Variants in RTL1 observed in about 807,000 individuals in gnomAD.
RTL1 encodes retrotransposon Gag like 1.
For missense variants in RTL1, 1,681 were observed against 1,767.5 expected, an observed-to-expected ratio of 0.95 and a Z score of 0.88; for synonymous variants, 727 against 748.4, an observed-to-expected ratio of 0.97 and a Z score of 0.47.
At position 100,890,074 on chromosome 14, in the gene RTL1, G is replaced by GGAAAAAAAAAAAA. The variant is rs554899525; in HGVS notation, c.-87+3369_-87+3370insTTTTTTTTTTTTC. 2.1e-3 allele frequency among the ~76,000 whole-genome samples: 255 copies of GGAAAAAAAAAAAA among 123,730 alleles called. 2 individuals carry two copies. The highest frequency in any genetic ancestry group is 4.8e-3 in the Middle Eastern group (1 of 208). The allele number at this position is 123,730 out of a possible 152,430, so 81.2% of individuals were successfully genotyped here. A position where few individuals can be genotyped will look rare whatever the true frequency, so the allele number is the denominator to read the frequency against. On this transcript the variant is annotated intron_variant, in intron 3 of 3. Coordinates refer to ENST00000649591, the MANE Select transcript of RTL1 (RefSeq NM_001134888.3). ...TGATTTGAAAATTCCCGCCTTATTT[G>GGAAAAAAAAAAAA]AAAAAAAAAAAAAAAAAAAGAAGCC...
rs1328006141 is a variant in RTL1, at chr14:100,880,539, A to G, written c.*173T>C. The stretch of plus-strand genomic sequence containing the variant: ...TGGGTAGTCCGTTAGCACAGGTGGC[A>G]TTGCTGGTTGATGAGTTGAAGAAGT... On this transcript the variant is annotated 3_prime_UTR_variant, in exon 4 of 4. Transcript: ENST00000649591. The G allele has an allele frequency of 1.5e-6, 2 of 1,310,546 alleles. No homozygotes were observed. Among genetic ancestry groups the G allele is most frequent in the Admixed American group, 5.3e-5 (2 of 37,600 alleles). 81.2% of individuals were successfully genotyped at this position (1,310,546 alleles called of 1,614,324 possible). A position where few individuals can be genotyped will look rare whatever the true frequency, so the allele number is the denominator to read the frequency against.
At chr14:100,889,673 A>G (rs3809404) in intron 3 of RTL1, 56,762 of 152,096 alleles carry the variant, frequency 0.37, 11,203 homozygotes, top group Middle Eastern at 0.49. Context: ...CCCCAATGGA[A>G]GGAAATGGAG....
chr14:100,890,754 A>T (rs921300325), intron 3 of RTL1, among the ~76,000 whole-genome samples: 20 of 152,180 alleles, frequency 1.3e-4, no homozygotes, highest in African/African-American at 4.8e-4. Context: ...TTTGAGGGAC[A>T]TAGCTACTGG....
Position 100,883,296 on chromosome 14 carries a change from G to A in RTL1, c.1493C>T (p.Pro498Leu), listed in dbSNP as rs1353241734. ...ESIEFDIVPS[P>L]NFSVVLGIRW... Reference sequence around the variant, plus strand: ...GATGCCTAGGACCACAGAGAAGTTCGGTGAAGGTACGATGTCAAATTCGAT... The same window carrying A: ...GATGCCTAGGACCACAGAGAAGTTCAGTGAAGGTACGATGTCAAATTCGAT... The change falls in exon 4 of 4, where the codon CCG becomes CTG. Residue 498 changes from proline to leucine, a missense_variant. Pro to Leu is a moderately conservative substitution (Grantham distance 98, BLOSUM62 -3). Transcript: ENST00000649591. The surrounding 1 kb of genome is among the most constrained non-coding windows in gnomAD (Gnocchi z 5.9). 4 of 1,551,212 alleles carry A rather than the reference G, an allele frequency of 2.6e-6. No individual in the cohort carries two copies. The highest frequency in any genetic ancestry group is 3.5e-6 in the Non-Finnish European group (4 of 1,146,804).
Position 100,882,927 on chromosome 14 carries a change from G to A in RTL1, c.1862C>T (p.Ala621Val), listed in dbSNP as rs1566753549. The A allele has an allele frequency of 6.2e-7, 1 of 1,610,772 alleles. No homozygotes were observed. Among genetic ancestry groups the A allele is most frequent in the Non-Finnish European group, 8.5e-7 (1 of 1,178,406 alleles). Residue 621 changes from alanine (A) to valine (V), a missense_variant, in exon 4 of 4, where the codon GCC becomes GTC. Coordinates refer to ENST00000649591, the MANE Select transcript of RTL1 (RefSeq NM_001134888.3). Reference sequence around the variant, plus strand: ...TAGCCTGGCTCTTTCTTGCATCCTGGCACCCACAGGTTCCCAAGGCGCGGT... The same window carrying A: ...TAGCCTGGCTCTTTCTTGCATCCTGACACCCACAGGTTCCCAAGGCGCGGT... Reference protein sequence around the residue: ...PSTAPWEPVGARMQERARLQE... With the variant: ...PSTAPWEPVGVRMQERARLQE...
chr14:100,883,635 G>A lies in RTL1; in HGVS notation c.1154C>T (p.Pro385Leu), dbSNP rs1340630391. The A allele has an allele frequency of 1.9e-6, 3 of 1,551,528 alleles. No homozygotes were observed. Among genetic ancestry groups the A allele is most frequent in the Non-Finnish European group, 2.6e-6 (3 of 1,146,984 alleles). ...RPRNLTWIDS[P>L]APERWMVSSW... ...GCTGACCATCCACCTCTCTGGAGCA[G>A]GTGAGTCGATCCAGGTCAGGTTCCG... is the stretch of plus-strand genomic sequence containing the variant. The change falls in exon 4 of 4, where the codon CCT becomes CTT. Residue 385 changes from proline (P) to leucine (L), a missense_variant. Physicochemically the swap from Pro to Leu is moderately conservative, Grantham distance 98. Coordinates refer to ENST00000649591, the MANE Select transcript of RTL1 (RefSeq NM_001134888.3). The surrounding 1 kb of genome is among the most constrained non-coding windows in gnomAD (Gnocchi z 5.9).
rs2038593759 is a variant in RTL1 at position 100,880,659 on chromosome 14, GGT to G, written c.*51_*52del. ...GCGGGGAGGCCAGGGGACGTCGGGA[GGT>G]GTTGGGGTGAGAAATAGAGGGGACT... On this transcript the variant is annotated 3_prime_UTR_variant, in exon 4 of 4. Transcript: ENST00000649591. 1 of 1,546,808 alleles carries G rather than the reference GGT, an allele frequency of 6.5e-7. No homozygotes were observed. The highest frequency in any genetic ancestry group is 1.4e-5 in the African/African-American group (1 of 72,912).
At chr14:100,896,414 G>A (rs1403299820) in intron 2 of RTL1, among the ~76,000 whole-genome samples, 1 of 152,100 alleles carries the variant, frequency 6.6e-6, no homozygotes, top group Non-Finnish European at 1.5e-5. Flanking sequence ...GGTGCCACCC[G>A]ACTGGGTGTA....
intron 3 of RTL1, among the ~76,000 whole-genome samples, chr14:100,890,797 C>G (rs940205763): frequency 1.9e-4 from 29 of 152,266 alleles, no homozygotes; most frequent in African/African-American, 6.7e-4. Context: ...AAAATGAATA[C>G]CCCCAGCAGC....
chr14:100,881,813 A>G lies in RTL1; in HGVS notation c.2976T>C (p.Ala992=), dbSNP rs1225367854. The part of the protein sequence containing the change: ...MELPEQDGGR[A]LPPVRNLRWR... ...ACCGGAGGTTTCTCACAGGTGGCAG[A>G]GCTCGGCCGCCGTCTTGTTCTGGCA... Residue 992 remains alanine (A), a synonymous_variant, in exon 4 of 4, where the codon GCT becomes GCC. Coordinates refer to ENST00000649591, the MANE Select transcript of RTL1 (RefSeq NM_001134888.3). This position sits in a 1 kb window ranked among gnomAD's most constrained non-coding sequence, Gnocchi z 6.6. 2 of 1,613,810 alleles carry G rather than the reference A, an allele frequency of 1.2e-6. No individual in the cohort carries two copies. The highest frequency in any genetic ancestry group is 1.7e-6 in the Non-Finnish European group (2 of 1,180,034).
Position 100,884,200 on chromosome 14 carries a change from C to A in RTL1, c.589G>T (p.Ala197Ser). 1 of 1,551,772 alleles carries A rather than the reference C, an allele frequency of 6.4e-7. No individual in the cohort carries two copies. Among genetic ancestry groups the A allele is most frequent in the Non-Finnish European group, 8.7e-7 (1 of 1,146,994 alleles). The change falls in exon 4 of 4, where the codon GCA becomes TCA. Residue 197 changes from alanine to serine, a missense_variant. Ala to Ser is a moderately conservative substitution (Grantham distance 99). Transcript: ENST00000649591. ...AEEILIKGIN[A>S]GQLPAPKHFS... is the part of the protein sequence containing the mutation. ...TGCTTTGGGGCGGGCAGTTGGCCTG[C>A]ATTGATCCCTTTGATCAAGATCTCT...
At position 100,881,349 on chromosome 14, in the gene RTL1, G is replaced by T. The variant is rs191409079; in HGVS notation, c.3440C>A (p.Thr1147Asn). 2 of 1,550,514 alleles carry T rather than the reference G, an allele frequency of 1.3e-6. No individual in the cohort carries two copies. Among genetic ancestry groups the T allele is most frequent in the Non-Finnish European group, 1.7e-6 (2 of 1,147,004 alleles). The part of the protein sequence containing the change: ...SITTAITQLL[T>N]QMPALVGANT... ...TGCACCTACGAGAGCGGGCATCTGG[G>T]TGAGCAGCTGGGTGATGGCTGTCGT... The change falls in exon 4 of 4, where the codon ACC becomes AAC. Residue 1147 changes from threonine to asparagine, a missense_variant. Thr to Asn is a moderately conservative substitution (Grantham distance 65). Transcript: ENST00000649591. This position sits in a 1 kb window ranked among gnomAD's most constrained non-coding sequence, Gnocchi z 6.6.
At chr14:100,891,114 G>A (rs999303467) in intron 3 of RTL1, among the ~76,000 whole-genome samples, 5 of 152,082 alleles carry the variant, frequency 3.3e-5, no homozygotes, top group African/African-American at 1.2e-4. Context: ...GGGTCCTGGG[G>A]ATCCCAGTGG....
At chr14:100,892,060 C>T (rs1320710486) in intron 3 of RTL1, among the ~76,000 whole-genome samples, 1 of 152,178 alleles carries the variant, frequency 6.6e-6, no homozygotes, top group African/African-American at 2.4e-5. Flanking sequence ...ACAGAGGTTG[C>T]CAGATCTGAG....
intron 2 of RTL1, chr14:100,897,601 G>A (rs1275201609): frequency 6.5e-6 from 1 of 153,040 alleles, no homozygotes; most frequent in Non-Finnish European, 1.5e-5. Context: ...AGCAGCTTGT[G>A]TTTCTTCCTT....
chr14:100,880,718 G>A lies in RTL1; in HGVS notation c.4071C>T (p.Leu1357=), dbSNP rs774641767. 2.9e-5 allele frequency: 45 copies of A among 1,550,730 alleles called. No homozygotes were observed. Among genetic ancestry groups the A allele is most frequent in the Middle Eastern group, 1.7e-4 (1 of 6,010 alleles). ...ELPDEDEDAN[L]D is the part of the protein sequence containing the mutation. ...TGGAGACAGGGAGGCGTCTTCAGTC[G>A]AGGTTAGCATCTTCGTCCTCATCAG... The change falls in exon 4 of 4, where the codon CTC becomes CTT. Residue 1357 remains leucine (L), a synonymous_variant. Transcript: ENST00000649591.
Position 100,881,017 on chromosome 14 carries a change from CCTGCGAGGTGT to C in RTL1, c.3761_3771del (p.Asp1254GlyfsTer37). 6.3e-7 allele frequency: 1 copy of C among 1,589,270 alleles called. No individual in the cohort carries two copies. Among genetic ancestry groups the C allele is most frequent in the Non-Finnish European group, 8.6e-7 (1 of 1,168,008 alleles). ...TCCTGCACGTCGTTGTCCTGCTTGT[CCTGCGAGGTGT>C]CTTGCAGGCCGTCATGCAGGCCACA... On this transcript the variant is annotated frameshift_variant, in exon 4 of 4. Transcript: ENST00000649591. LOFTEE classifies it low-confidence loss of function (END_TRUNC). This position sits in a 1 kb window ranked among gnomAD's most constrained non-coding sequence, Gnocchi z 6.6.
At position 100,893,228 on chromosome 14, in the gene RTL1, G is replaced by C. The variant is rs1011653370; in HGVS notation, c.-87+216C>G. Reference sequence around the variant, plus strand: ...CTTATTTGGTGTTCGAGGAGGGACAGGACAGCTGGCCCAGGACCTGCTAAT... The same window carrying C: ...CTTATTTGGTGTTCGAGGAGGGACACGACAGCTGGCCCAGGACCTGCTAAT... On this transcript the variant is annotated intron_variant, in intron 3 of 3. Transcript: ENST00000649591. This position sits in a 1 kb window ranked among gnomAD's most constrained non-coding sequence, Gnocchi z 4.2. Among the ~76,000 whole-genome samples the C allele has an allele frequency of 6.6e-6, 1 of 152,204 alleles. No individual in the cohort carries two copies. Among genetic ancestry groups the C allele is most frequent in the East Asian group, 1.9e-4 (1 of 5,188 alleles).
Position 100,883,474 on chromosome 14 carries a change from C to T in RTL1, c.1315G>A (p.Asp439Asn), listed in dbSNP as rs1270651431. Residue 439 changes from aspartate (D) to asparagine (N), a missense_variant, in exon 4 of 4, where the codon GAT becomes AAT. Transcript: ENST00000649591. This position sits in a 1 kb window ranked among gnomAD's most constrained non-coding sequence, Gnocchi z 5.9. ...VDSGADGNFMDEKFAQEHYVE... is the reference protein window; with the variant it reads ...VDSGADGNFMNEKFAQEHYVE... ...TAGTGCTCTTGGGCGAACTTCTCAT[C>T]CATGAAGTTGCCGTCAGCTCCCGAA... 1.9e-6 allele frequency: 3 copies of T among 1,551,210 alleles called. No individual in the cohort carries two copies. In the African/African-American group the frequency reaches 4.1e-5, roughly 21 times the overall value.
Sources: gnomAD v4.1 joint callset for allele counts (sites outside exome capture counted in the v4.1 genomes callset) on GRCh38, gnomAD v4.1.1 for gene constraint, Gnocchi (gnomAD v3.1) non-coding constraint, MANE v1.5 for transcripts, NCBI Gene and HGNC (gene_info 2026-07-23, HGNC 2026-07-21) for gene names.